CFAP70: variants seen among roughly 807,000 people sequenced by gnomAD.
The protein encoded by CFAP70 is cilia- and flagella-associated protein 70.
In CFAP70, 81 loss-of-function variants were observed where a neutral mutation model predicts 137.6. The ratio of observed to expected loss-of-function variants is 0.59; its 90% CI spans 0.49 to 0.71. The LOEUF (loss-of-function observed/expected upper bound fraction) is 0.71. CFAP70 is among the 30% of genes least tolerant of loss of function. The pLI is 0.00. For synonymous variants in CFAP70, 382 were observed against 423.6 expected, an observed-to-expected ratio of 0.90 and a Z score of 1.20; for missense variants, 976 against 1,226.7, an observed-to-expected ratio of 0.80 and a Z score of 3.05.
At chr10:73,300,721 G>C (rs889767302) in intron 12 of CFAP70, among the ~76,000 whole-genome samples, 1 of 152,048 alleles carries the variant, frequency 6.6e-6, no homozygotes. Context: ...AAATTAGCTG[G>C]GTGTAGTGGT....
intron 24 of CFAP70, among the ~76,000 whole-genome samples, chr10:73,272,391 G>A (rs1268009858): frequency 6.6e-6 from 1 of 152,090 alleles, no homozygotes; most frequent in African/African-American, 2.4e-5. Context: ...TTCAAAGAAA[G>A]GGAGAGACAT....
intron 9 of CFAP70, among the ~76,000 whole-genome samples, chr10:73,314,478 A>C (rs892739305): frequency 9.9e-5 from 15 of 152,206 alleles, no homozygotes; most frequent in African/African-American, 3.4e-4. Flanking sequence ...CTATAATAAG[A>C]GTATTTCATA....
chr10:73,298,941 G>C, exon 14 of CFAP70: 6 of 1,614,002 alleles, frequency 3.7e-6, no homozygotes, highest in Non-Finnish European at 5.1e-6. Context: ...GTATTTTCCA[G>C]AGCAATTAAG....
intron 19 of CFAP70, among the ~76,000 whole-genome samples, chr10:73,278,741 G>A (rs1244483058): frequency 1.3e-5 from 2 of 152,108 alleles, no homozygotes; most frequent in African/African-American, 2.4e-5. Flanking sequence ...AGCACTTTGG[G>A]AGGCCGAGGC....
At chr10:73,351,071 G>GTGTATATA (rs1422420902) in intron 3 of CFAP70, among the ~76,000 whole-genome samples, 60 of 31,376 alleles carry the variant, frequency 1.9e-3, no homozygotes, top group Non-Finnish European at 3.6e-3. Context: ...GTGTGTGTGT[G>GTGTATATA]TATATATATA....
chr10:73,325,696 G>C (rs989002750), intron 8 of CFAP70, among the ~76,000 whole-genome samples: 1 of 152,082 alleles, frequency 6.6e-6, no homozygotes, highest in Non-Finnish European at 1.5e-5. Flanking sequence ...CCTAGTCTCT[G>C]ATAAAACAGA....
At chr10:73,264,591 A>C (rs1351812820) in intron 25 of CFAP70, among the ~76,000 whole-genome samples, 1 of 152,222 alleles carries the variant, frequency 6.6e-6, no homozygotes, top group African/African-American at 2.4e-5. Flanking sequence ...AAATCATAGA[A>C]TACCTAGTAA....
chr10:73,270,639 G>A (rs915954655), intron 24 of CFAP70, among the ~76,000 whole-genome samples: 2 of 148,256 alleles, frequency 1.3e-5, no homozygotes, highest in Admixed American at 6.8e-5. Context: ...AGGTTTAATC[G>A]ATTCTCTTGC....
At chr10:73,293,120 T>C in intron 16 of CFAP70, 143 bp downstream of exon 17, 2 of 747,624 alleles carry the variant, frequency 2.7e-6, no homozygotes, top group Non-Finnish European at 3.9e-6. Flanking sequence ...AATGACCTTA[T>C]TGGTGGGAAC....
At chr10:73,291,541 G>A (rs915010051) in intron 18 of CFAP70, 97 bp from the exon 20 acceptor site, 2 of 1,499,890 alleles carry the variant, frequency 1.3e-6, no homozygotes, top group Admixed American at 1.9e-5. Context: ...TTTTACCAAA[G>A]TTTAAGAACT....
At chr10:73,317,364 T>A (rs1304100001) in intron 9 of CFAP70, among the ~76,000 whole-genome samples, 1 of 152,188 alleles carries the variant, frequency 6.6e-6, no homozygotes, top group Non-Finnish European at 1.5e-5. Flanking sequence ...GTGTTTTTCT[T>A]TCAGAATTTT....
intron 8 of CFAP70, among the ~76,000 whole-genome samples, chr10:73,326,940 C>A (rs1183022388): frequency 6.6e-6 from 1 of 151,348 alleles, no homozygotes; most frequent in Admixed American, 6.6e-5. Flanking sequence ...CCTTCTGAAA[C>A]TATTCCAATC....
Position 73,299,302 on chromosome 10 carries a change from G to A in CFAP70, c.1318-201C>T, listed in dbSNP as rs1353232482. On this transcript the variant is annotated intron_variant, in intron 13 of 26. Coordinates refer to ENST00000310715, the Ensembl canonical transcript of CFAP70. ...GGCTCACTTCTCCCTTGAACTCCTG[G>A]CCTCAAGCAACCCTCCTGCCTCAGC... Among the ~76,000 whole-genome samples, 3 of 152,016 alleles carry A rather than the reference G, an allele frequency of 2.0e-5. No individual in the cohort carries two copies. The East Asian group carries it at 5.8e-4, about 29-fold the overall frequency.
intron 23 of CFAP70, 86 bp downstream of exon 24, chr10:73,274,347 G>T: frequency 7.2e-7 from 1 of 1,390,054 alleles, no homozygotes. Flanking sequence ...TATATTACTA[G>T]TTTTAGTCCA....
Position 73,286,393 on chromosome 10 carries a change from G to A in CFAP70, c.2239+4833C>T, listed in dbSNP as rs1186454965. Among the ~76,000 whole-genome samples the A allele has an allele frequency of 3.9e-5, 6 of 152,022 alleles. 1 individual carries two copies. Among genetic ancestry groups the A allele is most frequent in the South Asian group, 4.2e-4 (2 of 4,818 alleles). ...CGGGAGGCGGAGCTTGCAGTGAGCC[G>A]AGATCGCACCACTGCACTCCAGCCT... is the stretch of plus-strand genomic sequence containing the variant. On this transcript the variant is annotated intron_variant, in intron 19 of 26. Transcript: ENST00000310715.
intron 19 of CFAP70, among the ~76,000 whole-genome samples, chr10:73,289,725 G>C (rs184141983): frequency 1.3e-4 from 20 of 152,012 alleles, no homozygotes; most frequent in Non-Finnish European, 2.6e-4. Flanking sequence ...AAGTTGAATG[G>C]GGTAATTACT....
Position 73,348,290 on chromosome 10 carries a change from T to G in CFAP70, c.349+133A>C, listed in dbSNP as rs771366911. ...GAAGAAAGGGTTAAGTTGGGATGACTGCAGGCAGAGATAAATGTGCCTACT... is the reference window on the plus strand; with the variant it reads ...GAAGAAAGGGTTAAGTTGGGATGACGGCAGGCAGAGATAAATGTGCCTACT... On this transcript the variant is annotated intron_variant, in intron 4 of 26. Transcript: ENST00000310715. 1.9e-6 allele frequency: 3 copies of G among 1,585,868 alleles called. No individual in the cohort carries two copies. In the East Asian group the frequency reaches 6.7e-5, roughly 35 times the overall value.
At chr10:73,328,422 G>A (rs2051699766) in intron 8 of CFAP70, among the ~76,000 whole-genome samples, 1 of 150,756 alleles carries the variant, frequency 6.6e-6, no homozygotes, top group Non-Finnish European at 1.5e-5. Context: ...TCAGGACATA[G>A]GCATGGGCAA....
chr10:73,269,617 C>G (rs1213700396), exon 25 of CFAP70: 2 of 1,611,110 alleles, frequency 1.2e-6, no homozygotes, highest in Non-Finnish European at 1.7e-6. Context: ...CACTCACTTT[C>G]AGGCAGACCA....
Sources: allele counts gnomAD v4.1 joint callset (sites outside exome capture counted in the v4.1 genomes callset), GRCh38; gene constraint gnomAD v4.1.1; transcripts MANE v1.5; gene names NCBI Gene and HGNC (gene_info 2026-07-23, HGNC 2026-07-21).